ZFHX2: variants seen among roughly 807,000 people sequenced by gnomAD.
The protein encoded by ZFHX2 is zinc finger homeobox 2, also known as zinc finger homeobox protein 2.
In ZFHX2, 75 loss-of-function variants were observed where a neutral mutation model predicts 164.8. The observed-to-expected ratio is 0.46, with a 90% CI of 0.38 to 0.55. The LOEUF (loss-of-function observed/expected upper bound fraction) is 0.55. Among genes scored for constraint, ZFHX2 ranks in the 20% least tolerant of loss-of-function variants. ZFHX2 has a pLI of 0.00. For missense variants in ZFHX2, 2,933 were observed against 3,308.0 expected, an observed-to-expected ratio of 0.89 and a Z score of 2.78; for synonymous variants, 1,217 against 1,351.4, an observed-to-expected ratio of 0.90 and a Z score of 2.18.
chr14:23,531,490 G>A lies in ZFHX2; in HGVS notation c.2791C>T (p.Arg931Trp), dbSNP rs763240838. 7.1e-5 allele frequency: 101 copies of A among 1,417,104 alleles called. 1 individual carries two copies. The highest frequency in any genetic ancestry group is 2.9e-5 in the African/African-American group (2 of 69,638). 87.8% of individuals were successfully genotyped at this position (1,417,104 alleles called of 1,614,324 possible). A position where few individuals can be genotyped will look rare whatever the true frequency, so the allele number is the denominator to read the frequency against. ...GTCCCTTCTTCCTCACCGGGAGTCC[G>A]GAGCTGCCCGTGGCTGAAGCTCAGG... is the stretch of plus-strand genomic sequence containing the variant. ...SILSFSHGQL[R>W]TPGKAPVTPL... Residue 931 changes from arginine (R) to tryptophan (W), a missense_variant, in exon 4 of 10, where the codon CGG becomes TGG. Transcript: ENST00000419474.
At position 23,530,158 on chromosome 14, in the gene ZFHX2, G is replaced by A. The variant is rs1270402959; in HGVS notation, c.2837C>T (p.Thr946Ile). ...CTTGTTCTGGGCATCTTTCTCAGGG[G>A]TGGGTGGCTCAGCTAAGGGGGTGAC... ...APVTPLAEPP[T>I]PEKDAQNKTE... The change falls in exon 5 of 10, where the codon ACC becomes ATC. Residue 946 changes from threonine to isoleucine, a missense_variant. Transcript: ENST00000419474. The A allele has an allele frequency of 6.5e-7, 1 of 1,536,122 alleles. No individual in the cohort carries two copies. Among genetic ancestry groups the A allele is most frequent in the Admixed American group, 2.0e-5 (1 of 50,980 alleles).
In ZFHX2 at chr14:23,533,048, G is replaced by T. The variant is rs1879757000; in HGVS notation, c.2078C>A (p.Pro693Gln). The change falls in exon 3 of 10, where the codon CCA (proline) becomes CAA (glutamine). Residue 693 changes from proline (P) to glutamine (Q), a missense_variant. Physicochemically the swap from Pro to Gln is moderately conservative, Grantham distance 76. Coordinates refer to ENST00000419474, the MANE Select transcript of ZFHX2 (RefSeq NM_033400.3). This position sits in a 1 kb window ranked among gnomAD's most constrained non-coding sequence, Gnocchi z 4.8. Reference protein sequence around the residue: ...GSLSPDAHLPPSQLLGSSSDS... With the variant: ...GSLSPDAHLPQSQLLGSSSDS... Reference sequence around the variant, plus strand: ...AGATGAGGAACCCAGGAGCTGACTTGGAGGCAGGTGGGCATCAGGGGATAG... The same window carrying T: ...AGATGAGGAACCCAGGAGCTGACTTTGAGGCAGGTGGGCATCAGGGGATAG... 5.2e-6 allele frequency: 8 copies of T among 1,534,242 alleles called. No individual in the cohort carries two copies. The highest frequency in any genetic ancestry group is 7.0e-6 in the Non-Finnish European group (8 of 1,145,574).
intron 1 of ZFHX2, among the ~76,000 whole-genome samples, chr14:23,549,145 C>T (rs2138928051): frequency 6.6e-6 from 1 of 152,256 alleles, no homozygotes; most frequent in Admixed American, 6.5e-5. Context: ...CATTTCTCTT[C>T]CTTTTACCTT....
intron 7 of ZFHX2, 145 bp downstream of exon 7, chr14:23,527,459 G>A (rs1414101141): frequency 1.0e-5 from 11 of 1,089,686 alleles, no homozygotes; most frequent in Non-Finnish European, 1.3e-5. Context: ...TTGTCGGACC[G>A]TCCTCACCCA....
Position 23,526,514 on chromosome 14 carries a change from G to A in ZFHX2, c.3428C>T (p.Pro1143Leu), listed in dbSNP as rs972585326. 35 of 1,535,852 alleles carry A rather than the reference G, an allele frequency of 2.3e-5. No homozygotes were observed. The Admixed American group carries it at 3.3e-4, about 15-fold the overall frequency. ...CTCTTCCTCCTCAGCCATGGTGGGCGGAGGAGCTACGTCTTCAGCTTGGGC... is the reference window on the plus strand; with the variant it reads ...CTCTTCCTCCTCAGCCATGGTGGGCAGAGGAGCTACGTCTTCAGCTTGGGC... ...PDAQAEDVAP[P>L]PTMAEEEEGT... The change falls in exon 9 of 10, where the codon CCG (proline) becomes CTG (leucine). Residue 1143 changes from proline (P) to leucine (L), a missense_variant. Pro to Leu is a moderately conservative substitution (Grantham distance 98). Transcript: ENST00000419474.
chr14:23,525,932 G>C lies in ZFHX2; in HGVS notation c.4010C>G (p.Ala1337Gly). 1 of 1,476,172 alleles carries C rather than the reference G, an allele frequency of 6.8e-7. No individual in the cohort carries two copies. The highest frequency in any genetic ancestry group is 9.0e-7 in the Non-Finnish European group (1 of 1,116,678). The allele number at this position is 1,476,172 out of a possible 1,614,324, so 91.4% of individuals were successfully genotyped here. Residue 1337 changes from alanine (A) to glycine (G), a missense_variant, in exon 9 of 10, where the codon GCC becomes GGC. By Grantham distance (60) the Ala-to-Gly change is moderately conservative. Coordinates refer to ENST00000419474, the MANE Select transcript of ZFHX2 (RefSeq NM_033400.3). The surrounding 1 kb of genome is among the most constrained non-coding windows in gnomAD (Gnocchi z 5.9). ...CAGGACTGGTGGGGTGAAGAGAGGG[G>C]CTGGGAATCGGTGCAGGTCCAAGGG... ...PPPLDLHRFPAPLFTPPVLPP... is the reference protein window; with the variant it reads ...PPPLDLHRFPGPLFTPPVLPP...
In ZFHX2 at chr14:23,531,497, C is replaced by T; in HGVS notation, c.2784G>A (p.Gly928=). 1.4e-6 allele frequency: 2 copies of T among 1,434,814 alleles called. No homozygotes were observed. Among genetic ancestry groups the T allele is most frequent in the Non-Finnish European group, 1.8e-6 (2 of 1,087,436 alleles). 88.9% of individuals were successfully genotyped at this position (1,434,814 alleles called of 1,614,324 possible). The part of the protein sequence containing the change: ...ALQSILSFSH[G]QLRTPGKAPV... ...CTTCCTCACCGGGAGTCCGGAGCTG[C>T]CCGTGGCTGAAGCTCAGGATGCTCT... The change falls in exon 4 of 10, where the codon GGG becomes GGA. Residue 928 remains glycine, a synonymous_variant. Transcript: ENST00000419474.
In ZFHX2 at chr14:23,523,296, C is replaced by A; in HGVS notation, c.6646G>T (p.Ala2216Ser). Residue 2216 changes from alanine (A) to serine (S), a missense_variant, in exon 9 of 10, where the codon GCT becomes TCT. Physicochemically the swap from Ala to Ser is moderately conservative, Grantham distance 99 (BLOSUM62 1). Coordinates refer to ENST00000419474, the MANE Select transcript of ZFHX2 (RefSeq NM_033400.3). The surrounding 1 kb of genome is among the most constrained non-coding windows in gnomAD (Gnocchi z 4.1). ...ATTPASMPLG[A>S]APTLPRLAPV... is the part of the protein sequence containing the mutation. ...GCCAGGCGAGGCAAGGTTGGGGCAG[C>A]CCCGAGGGGCATGGAGGCAGGTGTG... 6.9e-7 allele frequency: 1 copy of A among 1,445,066 alleles called. No homozygotes were observed. The highest frequency in any genetic ancestry group is 1.5e-5 in the South Asian group (1 of 68,588). 89.5% of individuals were successfully genotyped at this position (1,445,066 alleles called of 1,614,324 possible). A position where few individuals can be genotyped will look rare whatever the true frequency, so the allele number is the denominator to read the frequency against.
chr14:23,553,988 C>G (rs918685771), upstream of ZFHX2, among the ~76,000 whole-genome samples: 3 of 142,934 alleles, frequency 2.1e-5, no homozygotes, highest in East Asian at 6.1e-4. Context: ...CATTTGAACC[C>G]AGGAGGCAGA....
intron 4 of ZFHX2, 83 bp from the exon 5 acceptor site, chr14:23,530,277 C>T: frequency 1.8e-6 from 2 of 1,096,038 alleles, no homozygotes; most frequent in Non-Finnish European, 2.7e-6. Flanking sequence ...GCAGGACAAG[C>T]AGCCAGTCAA....
chr14:23,554,846 G>C (rs1300615693), upstream of ZFHX2, among the ~76,000 whole-genome samples: 1 of 152,146 alleles, frequency 6.6e-6, no homozygotes, highest in Admixed American at 6.5e-5. Flanking sequence ...CGGTTCCTCA[G>C]GGAGCTTCCT....
chr14:23,527,905 T>TC, intron 6 of ZFHX2, 101 bp from the exon 7 acceptor site: 1 of 715,792 alleles, frequency 1.4e-6, no homozygotes, highest in Non-Finnish European at 2.0e-6. Context: ...CCACTCCTTT[T>TC]TTTTTTTTTT....
upstream of ZFHX2, among the ~76,000 whole-genome samples, chr14:23,554,038 CAAAAAAAAA>C (rs61363455): frequency 2.8e-5 from 1 of 36,040 alleles, no homozygotes; most frequent in Non-Finnish European, 6.0e-5. Context: ...GACTCTGTCT[CAAAAAAAAA>C]AAAAAAAAAA....
At position 23,546,731 on chromosome 14, in the gene ZFHX2, G is replaced by A. The variant is rs1881426406; in HGVS notation, c.-50+4612C>T. On this transcript the variant is annotated intron_variant, in intron 1 of 9. Coordinates refer to ENST00000419474, the MANE Select transcript of ZFHX2 (RefSeq NM_033400.3). This position sits in a 1 kb window ranked among gnomAD's most constrained non-coding sequence, Gnocchi z 4.7. ...TGTGAGGAGCTCGAGAAGAAAGATG[G>A]AAAAATCAATGAAATGAGTTTCTAA... 6.6e-6 allele frequency among the ~76,000 whole-genome samples: 1 copy of A among 152,158 alleles called. No homozygotes were observed.
chr14:23,545,249 G>A (rs1881268883), intron 1 of ZFHX2, among the ~76,000 whole-genome samples: 1 of 152,134 alleles, frequency 6.6e-6, no homozygotes, highest in African/African-American at 2.4e-5. Flanking sequence ...CTCCCATAAG[G>A]GTCAAAGCCA....
Position 23,524,059 on chromosome 14 carries a change from C to T in ZFHX2, c.5883G>A (p.Arg1961=), listed in dbSNP as rs533519190. The change falls in exon 9 of 10, where the codon AGG becomes AGA. Residue 1961 remains arginine, a synonymous_variant. Coordinates refer to ENST00000419474, the MANE Select transcript of ZFHX2 (RefSeq NM_033400.3). The surrounding 1 kb of genome is among the most constrained non-coding windows in gnomAD (Gnocchi z 5.6). ...TGGGGTAGGGAAAAGCAGGTGCTTC[C>T]CTCTTTGGGGCTTCCCTCCCAGTGC... is the stretch of plus-strand genomic sequence containing the variant. ...DDGTGREAPK[R]EAPAFPYPTA... The T allele has an allele frequency of 1.3e-6, 2 of 1,516,802 alleles. No individual in the cohort carries two copies. Among genetic ancestry groups the T allele is most frequent in the East Asian group, 2.5e-5 (1 of 40,686 alleles). 94.0% of individuals were successfully genotyped at this position (1,516,802 alleles called of 1,614,324 possible).
chr14:23,534,094 T>C lies in ZFHX2; in HGVS notation c.1232A>G (p.Asp411Gly), dbSNP rs1879889960. 6.7e-7 allele frequency: 1 copy of C among 1,499,438 alleles called. No homozygotes were observed. Among genetic ancestry groups the C allele is most frequent in the Non-Finnish European group, 8.9e-7 (1 of 1,127,356 alleles). The allele number at this position is 1,499,438 out of a possible 1,614,324, so 92.9% of individuals were successfully genotyped here. Residue 411 changes from aspartate (D) to glycine (G), a missense_variant, in exon 2 of 10, where the codon GAC (aspartate) becomes GGC (glycine). Coordinates refer to ENST00000419474, the MANE Select transcript of ZFHX2 (RefSeq NM_033400.3). The surrounding 1 kb of genome is among the most constrained non-coding windows in gnomAD (Gnocchi z 4.5). The part of the protein sequence containing the change: ...TLPAPVGSPE[D>G]PSDPPQPYRL... ...ATAGGGCTGGGGTGGGTCACTGGGG[T>C]CTTCGGGGGAGCCCACTGGGGCAGG... is the stretch of plus-strand genomic sequence containing the variant.
chr14:23,552,657 A>G (rs915083969), upstream of ZFHX2, among the ~76,000 whole-genome samples: 4 of 151,928 alleles, frequency 2.6e-5, no homozygotes, highest in Admixed American at 2.6e-4. Flanking sequence ...GCTGCAGTGC[A>G]GTGGCATGAT....
chr14:23,525,243 C>T lies in ZFHX2; in HGVS notation c.4699G>A (p.Glu1567Lys). ...PEAGGTRAPE[E>K]RSRAGGHWPI... is the part of the protein sequence containing the mutation. The stretch of plus-strand genomic sequence containing the variant: ...CAGTGTCCCCCTGCTCGACTTCGCT[C>T]TTCAGGGGCACGGGTCCCCCCTGCC... The change falls in exon 9 of 10, where the codon GAG becomes AAG. Residue 1567 changes from glutamate to lysine, a missense_variant. By Grantham distance (56) the Glu-to-Lys change is moderately conservative. Transcript: ENST00000419474. The surrounding 1 kb of genome is among the most constrained non-coding windows in gnomAD (Gnocchi z 5.9). 1 of 1,536,134 alleles carries T rather than the reference C, an allele frequency of 6.5e-7. No individual in the cohort carries two copies. Among genetic ancestry groups the T allele is most frequent in the Non-Finnish European group, 8.7e-7 (1 of 1,146,908 alleles).
Sources: allele counts gnomAD v4.1 joint callset (sites outside exome capture counted in the v4.1 genomes callset), GRCh38; gene constraint gnomAD v4.1.1; non-coding constraint Gnocchi (gnomAD v3.1); transcripts MANE v1.5; gene names NCBI Gene and HGNC (gene_info 2026-07-23, HGNC 2026-07-21).